Variants in DECR1 observed in about 807,000 individuals in gnomAD.
The protein encoded by DECR1 is 2,4-dienoyl-CoA reductase [(3E)-enoyl-CoA-producing], mitochondrial.
DECR1 carries 44 observed loss-of-function variants against 38.8 expected under a neutral mutation model. The observed-to-expected ratio is 1.13, with a 90% confidence interval of 0.89 to 1.46. DECR1 has a LOEUF of 1.46. Ranked by LOEUF, DECR1 falls within the 40% of genes most tolerant of loss-of-function variation. The pLI is 0.00. For synonymous variants in DECR1, 148 were observed against 135.2 expected (o/e 1.09, Z -0.66); for missense variants, 428 against 405.5 (o/e 1.06, Z -0.48).
chr8:90,027,113 A>G (rs901921490), intron 5 of DECR1, among the ~76,000 whole-genome samples: 3 of 152,136 alleles, frequency 2.0e-5, no homozygotes, highest in African/African-American at 7.2e-5. Flanking sequence ...CTGTTCTTTT[A>G]CATTTGCTGA....
chr8:90,053,475 C>G lies in DECR1; in HGVS notation c.*1578C>G, dbSNP rs1189384222. The stretch of plus-strand genomic sequence containing the variant: ...CAATAATGATGGTTTATCACTCACT[C>G]CATTTCCAAACCCACCTTCCCACCC... On this transcript the variant is annotated 3_prime_UTR_variant, in exon 10 of 10. Transcript: ENST00000220764. 6.6e-6 allele frequency among the ~76,000 whole-genome samples: 1 copy of G among 152,114 alleles called. No homozygotes were observed. The highest frequency in any genetic ancestry group is 1.5e-5 in the Non-Finnish European group (1 of 68,020).
rs766749750 is a variant in DECR1, at chr8:90,044,873, A to G, written c.763A>G (p.Thr255Ala). 6 of 1,613,684 alleles carry G rather than the reference A, an allele frequency of 3.7e-6. No homozygotes were observed. The highest frequency in any genetic ancestry group is 4.2e-6 in the Non-Finnish European group (5 of 1,179,724). Reference sequence around the variant, plus strand: ...GGGTGCCTTTAGCCGTCTGGACCCAACTGGAACATTTGAGAAAGAAATGAT... The same window carrying G: ...GGGTGCCTTTAGCCGTCTGGACCCAGCTGGAACATTTGAGAAAGAAATGAT... ...TKGAFSRLDPTGTFEKEMIGR... is the reference protein window; with the variant it reads ...TKGAFSRLDPAGTFEKEMIGR... Residue 255 changes from threonine (T) to alanine (A), a missense_variant, in exon 8 of 10, where the codon ACT becomes GCT. Transcript: ENST00000220764.
chr8:90,026,746 A>C (rs573209092), intron 5 of DECR1, among the ~76,000 whole-genome samples: 13 of 151,792 alleles, frequency 8.6e-5, no homozygotes, highest in East Asian at 3.9e-4. Flanking sequence ...GATCTTAGTA[A>C]TTTCTTGCCT....
At chr8:90,017,373 G>C in intron 2 of DECR1, 47 bp downstream of exon 2, 1 of 1,499,726 alleles carries the variant, frequency 6.7e-7, no homozygotes, top group Non-Finnish European at 9.2e-7. Flanking sequence ...TGAAGAAACT[G>C]TTCTGTGCCA....
chr8:90,034,252 T>C (rs563572101), intron 5 of DECR1, among the ~76,000 whole-genome samples: 2 of 152,276 alleles, frequency 1.3e-5, no homozygotes, highest in South Asian at 2.1e-4. Flanking sequence ...ACTTTCCTTG[T>C]AGTCCTTCAA....
intron 1 of DECR1, among the ~76,000 whole-genome samples, chr8:90,007,078 G>A (rs943748666): frequency 7.9e-5 from 12 of 152,186 alleles, no homozygotes; most frequent in Non-Finnish European, 1.2e-4. Flanking sequence ...GTTAGGGAAA[G>A]CACCAGAGCT....
intron 8 of DECR1, among the ~76,000 whole-genome samples, chr8:90,050,597 A>G (rs924892741): frequency 2.6e-5 from 4 of 152,222 alleles, no homozygotes; most frequent in South Asian, 2.1e-4. Context: ...TAGTTAAACC[A>G]TTGTGGAAGA....
At chr8:90,026,685 G>A (rs1035978008) in intron 5 of DECR1, among the ~76,000 whole-genome samples, 11 of 152,060 alleles carry the variant, frequency 7.2e-5, no homozygotes, top group African/African-American at 2.4e-4. Context: ...TCCTGGATTT[G>A]TTGATTTTTT....
intron 1 of DECR1, among the ~76,000 whole-genome samples, chr8:90,008,196 A>T (rs529348388): frequency 5.9e-5 from 9 of 152,178 alleles, no homozygotes; most frequent in African/African-American, 2.4e-5. Context: ...TGGTCTTCTC[A>T]TGTCAACCCA....
chr8:90,017,349 A>G (rs776910629), intron 2 of DECR1, 23 bp downstream of exon 2: 4 of 1,594,384 alleles, frequency 2.5e-6, no homozygotes, highest in South Asian at 1.1e-5. Flanking sequence ...CATCAAGCCT[A>G]TTGGCGACGC....
intron 1 of DECR1, among the ~76,000 whole-genome samples, chr8:90,015,079 C>T (rs1235966440): frequency 6.6e-6 from 1 of 152,000 alleles, no homozygotes; most frequent in Non-Finnish European, 1.5e-5. Flanking sequence ...TTTTGTCTTT[C>T]AGTAACTTTT....
Position 90,017,171 on chromosome 8 carries a change from G to A in DECR1, c.117G>A (p.Leu39=). The A allele has an allele frequency of 1.1e-5, 17 of 1,614,032 alleles. No individual in the cohort carries two copies. Among genetic ancestry groups the A allele is most frequent in the Non-Finnish European group, 1.4e-5 (17 of 1,179,948 alleles). The part of the protein sequence containing the change: ...TKILYQNTEA[L]QSKFFSPLQK... ...TATTATATCAAAACACTGAAGCTTTGCAATCTAAATTCTTTTCACCTCTTC... is the reference window on the plus strand; with the variant it reads ...TATTATATCAAAACACTGAAGCTTTACAATCTAAATTCTTTTCACCTCTTC... The change falls in exon 2 of 10, where the codon TTG becomes TTA. Residue 39 remains leucine (L), a synonymous_variant. Coordinates refer to ENST00000220764, the MANE Select transcript of DECR1 (RefSeq NM_001359.2).
intron 1 of DECR1, among the ~76,000 whole-genome samples, chr8:90,008,056 C>T (rs1239959572): frequency 6.6e-6 from 1 of 152,188 alleles, no homozygotes; most frequent in Non-Finnish European, 1.5e-5. Context: ...TTACCTTTAG[C>T]CCTAATTTAT....
chr8:90,036,069 C>T (rs967604492), intron 5 of DECR1, among the ~76,000 whole-genome samples: 1 of 152,102 alleles, frequency 6.6e-6, no homozygotes, highest in African/African-American at 2.4e-5. Context: ...TGCCTGGCCT[C>T]AATGGAATCT....
intron 1 of DECR1, among the ~76,000 whole-genome samples, chr8:90,014,539 G>A (rs1269364356): frequency 1.3e-5 from 2 of 152,142 alleles, no homozygotes; most frequent in Non-Finnish European, 2.9e-5. Flanking sequence ...AATGTGCTAT[G>A]TAATAACCTG....
At chr8:90,023,899 GGTGT>G (rs373670290) in intron 5 of DECR1, among the ~76,000 whole-genome samples, 273 of 151,976 alleles carry the variant, frequency 1.8e-3, no homozygotes, top group Middle Eastern at 6.8e-3. Context: ...CCCAGTATGT[GGTGT>G]TCCCCACCCT....
intron 8 of DECR1, 152 bp from the exon 9 acceptor site, chr8:90,051,525 T>A (rs1814092858): frequency 1.7e-6 from 1 of 604,714 alleles, no homozygotes; most frequent in Non-Finnish European, 2.9e-6. Context: ...GTAAATCAAT[T>A]TAGGTTTAAT....
At chr8:90,020,702 G>A (rs1316673978) in intron 4 of DECR1, among the ~76,000 whole-genome samples, 1 of 152,178 alleles carries the variant, frequency 6.6e-6, no homozygotes, top group East Asian at 1.9e-4. Context: ...CTAATTTAAA[G>A]ACGGCTTAGG....
At chr8:90,007,467 G>A (rs1812772617) in intron 1 of DECR1, among the ~76,000 whole-genome samples, 1 of 151,880 alleles carries the variant, frequency 6.6e-6, no homozygotes, top group Admixed American at 6.6e-5. Flanking sequence ...CACTGGGGAG[G>A]TAAAAGGCAT....
Sources: allele counts gnomAD v4.1 joint callset (sites outside exome capture counted in the v4.1 genomes callset), GRCh38; gene constraint gnomAD v4.1.1; transcripts MANE v1.5; gene names NCBI Gene and HGNC (gene_info 2026-07-23, HGNC 2026-07-21).